Variants in ATRX observed in about 807,000 individuals in gnomAD.
ATRX encodes the protein ATRX chromatin remodeler, also known as chromatin remodeler ATRX.
ATRX carries 12 observed loss-of-function variants against 172.6 expected under a neutral mutation model. The ratio of observed to expected loss-of-function variants is 0.07; its 90% CI spans 0.04 to 0.11. The LOEUF (loss-of-function observed/expected upper bound fraction) is 0.11. Among genes scored for constraint, ATRX ranks in the 10% least tolerant of loss-of-function variants. ATRX has a pLI of 1.00. For synonymous variants in ATRX, 674 were observed against 594.7 expected (o/e 1.13, Z -1.94); for missense variants, 1,368 against 1,767.4 (o/e 0.77, Z 4.05).
chrX:77,633,488 TA>T (rs1211609773), intron 18 of ATRX, 77 bp downstream of exon 18: 32 of 1,096,275 alleles, frequency 2.9e-5, no homozygotes, highest in Non-Finnish European at 3.7e-5. Flanking sequence ...CATTAAAAAT[TA>T]AAAAAAATTA....
chrX:77,578,659 G>A (rs1248482938), intron 27 of ATRX, among the ~76,000 whole-genome samples: 1 of 112,111 alleles, frequency 8.9e-6, no homozygotes, highest in African/African-American at 3.2e-5. Context: ...ACACATTGTG[G>A]GGCATGGATT....
At chrX:77,715,387 A>G (rs782469973) in intron 2 of ATRX, among the ~76,000 whole-genome samples, 80 of 112,070 alleles carry the variant, frequency 7.1e-4, no homozygotes, top group Middle Eastern at 9.1e-3. Flanking sequence ...TATAACATAT[A>G]GCCTAGGTGT....
intron 1 of ATRX, among the ~76,000 whole-genome samples, chrX:77,763,493 AT>A (rs1372818417): frequency 3.0e-5 from 3 of 98,685 alleles, no homozygotes; most frequent in East Asian, 3.2e-4. Context: ...AAAAAAAAAA[AT>A]GAGTCTTGCT....
chrX:77,576,766 C>T (rs1288724898), intron 27 of ATRX, among the ~76,000 whole-genome samples: 7 of 111,572 alleles, frequency 6.3e-5, no homozygotes, highest in African/African-American at 2.3e-4. Flanking sequence ...TTCTCTCACA[C>T]TCCCCATTTC....
intron 31 of ATRX, among the ~76,000 whole-genome samples, 172 bp downstream of exon 31, chrX:77,523,080 T>C (rs781946676): frequency 1.8e-5 from 2 of 111,652 alleles, no homozygotes; most frequent in Non-Finnish European, 3.8e-5. Flanking sequence ...CCTCCTACTC[T>C]ACCACTAAAG....
intron 19 of ATRX, among the ~76,000 whole-genome samples, chrX:77,624,162 G>A (rs2067716205): frequency 9.0e-6 from 1 of 111,130 alleles, no homozygotes; most frequent in Non-Finnish European, 1.9e-5. Flanking sequence ...TCAGGAGATC[G>A]AGACCATCCT....
At chrX:77,773,399 G>A (rs2076234256) in intron 1 of ATRX, among the ~76,000 whole-genome samples, 1 of 111,198 alleles carries the variant, frequency 9.0e-6, no homozygotes, top group Admixed American at 9.7e-5. Flanking sequence ...AATTAATCAA[G>A]CCAAACTTCA....
At chrX:77,623,371 T>C (rs1274169180) in intron 19 of ATRX, among the ~76,000 whole-genome samples, 3 of 111,014 alleles carry the variant, frequency 2.7e-5, no homozygotes, top group Non-Finnish European at 5.7e-5. Flanking sequence ...AAGAATTTGA[T>C]ACCCCGAACA....
At chrX:77,697,968 A>C (rs369493829) in intron 3 of ATRX, among the ~76,000 whole-genome samples, 1 of 111,991 alleles carries the variant, frequency 8.9e-6, no homozygotes, top group East Asian at 2.8e-4. Context: ...AGACAAAACA[A>C]AGATGCAGAA....
intron 7 of ATRX, among the ~76,000 whole-genome samples, chrX:77,685,875 T>A (rs782187138): frequency 2.7e-5 from 3 of 111,857 alleles, no homozygotes; most frequent in Admixed American, 9.5e-5. Flanking sequence ...AAGAATGAGA[T>A]CCTGTCATTT....
At chrX:77,653,015 AAAAAAAG>A (rs1168421572) in intron 14 of ATRX, among the ~76,000 whole-genome samples, 9 of 108,225 alleles carry the variant, frequency 8.3e-5, no homozygotes, top group African/African-American at 3.0e-4. Context: ...AAAAAAAAAA[AAAAAAAG>A]AAAAAAAGAA....
At chrX:77,612,220 GC>G (rs1269590040) in intron 22 of ATRX, among the ~76,000 whole-genome samples, 5 of 111,339 alleles carry the variant, frequency 4.5e-5, no homozygotes, top group Non-Finnish European at 9.4e-5. Flanking sequence ...AGATGCATCG[GC>G]CCTACTCCAG....
intron 15 of ATRX, among the ~76,000 whole-genome samples, chrX:77,644,815 GA>G (rs1365108109): frequency 9.0e-6 from 1 of 110,942 alleles, no homozygotes; most frequent in East Asian, 2.8e-4. Context: ...AAGGAGAAAA[GA>G]AAAAGAAAGA....
At chrX:77,541,716 C>T (rs2064004004) in intron 30 of ATRX, among the ~76,000 whole-genome samples, 1 of 111,911 alleles carries the variant, frequency 8.9e-6, no homozygotes. Flanking sequence ...ATGACAAAAA[C>T]CATATGATTA....
intron 19 of ATRX, among the ~76,000 whole-genome samples, chrX:77,621,872 AAAACTAATATTTTGT>A (rs2067603134): frequency 9.5e-5 from 10 of 104,891 alleles, no homozygotes; most frequent in African/African-American, 2.0e-4. Flanking sequence ...ACAACAAAAA[AAAACTAATATTTTGT>A]AAAACTAAAA....
At chrX:77,723,823 C>A (rs2073894746) in intron 1 of ATRX, among the ~76,000 whole-genome samples, 1 of 111,701 alleles carries the variant, frequency 9.0e-6, no homozygotes, top group African/African-American at 3.3e-5. Flanking sequence ...GATAGCAAAC[C>A]TGCACAATTA....
intron 1 of ATRX, among the ~76,000 whole-genome samples, chrX:77,746,558 A>G (rs1192408541): frequency 1.8e-5 from 2 of 111,738 alleles, no homozygotes; most frequent in African/African-American, 6.5e-5. Flanking sequence ...TGGAGAATCT[A>G]AATTAGTACA....
At chrX:77,732,585 C>G (rs1337509140) in intron 1 of ATRX, among the ~76,000 whole-genome samples, 1 of 111,668 alleles carries the variant, frequency 9.0e-6, no homozygotes, top group Non-Finnish European at 1.9e-5. Flanking sequence ...TTCATCGTAA[C>G]CAGGTGGAGT....
chrX:77,735,834 A>AAAT (rs200234050), intron 1 of ATRX, among the ~76,000 whole-genome samples: 2,365 of 96,127 alleles, frequency 0.025, 21 homozygotes, highest in East Asian at 0.061. Flanking sequence ...ATAAATAAAT[A>AAAT]AAAATAAATA....
Sources: gnomAD v4.1 joint callset for allele counts (sites outside exome capture counted in the v4.1 genomes callset) on GRCh38, gnomAD v4.1.1 for gene constraint, MANE v1.5 for transcripts, NCBI Gene and HGNC (gene_info 2026-07-23, HGNC 2026-07-21) for gene names.